DLGAP1: variants seen among roughly 807,000 people sequenced by gnomAD.
DLGAP1 encodes disks large-associated protein 1.
In DLGAP1, 11 loss-of-function variants were observed where a neutral mutation model predicts 90.8. That is an observed-to-expected ratio of 0.12 (90% confidence interval 0.08 to 0.20). DLGAP1 has a LOEUF of 0.20. DLGAP1 is among the 10% of genes least tolerant of loss of function. The pLI is 1.00. For synonymous variants in DLGAP1, 558 were observed against 540.7 expected (o/e 1.03, Z -0.44); for missense variants, 1,050 against 1,333.8 (o/e 0.79, Z 3.31).
chr18:4,393,451 A>T (rs1217408937), intron 1 of DLGAP1, among the ~76,000 whole-genome samples: 1 of 152,056 alleles, frequency 6.6e-6, no homozygotes, highest in Non-Finnish European at 1.5e-5. Context: ...AATTTTTCAG[A>T]TGGTTGATTC....
At chr18:3,609,132 T>C (rs1477035575) in intron 7 of DLGAP1, among the ~76,000 whole-genome samples, 3 of 142,986 alleles carry the variant, frequency 2.1e-5, no homozygotes, top group Admixed American at 6.9e-5. Context: ...CCCAGCCTGA[T>C]CTGTAATACT....
At chr18:3,944,145 T>A (rs558824145) in intron 3 of DLGAP1, among the ~76,000 whole-genome samples, 1 of 152,326 alleles carries the variant, frequency 6.6e-6, no homozygotes, top group Non-Finnish European at 1.5e-5. Context: ...AGTGACGAGA[T>A]GAGATTGAAG....
chr18:3,635,180 G>C (rs1009091908), intron 7 of DLGAP1, among the ~76,000 whole-genome samples: 7 of 150,596 alleles, frequency 4.6e-5, no homozygotes, highest in East Asian at 2.0e-4. Context: ...ACCCAGGCTG[G>C]AGTGCAGTGG....
chr18:4,325,440 C>G (rs560120404), intron 1 of DLGAP1, among the ~76,000 whole-genome samples: 1 of 152,136 alleles, frequency 6.6e-6, no homozygotes, highest in Admixed American at 6.5e-5. Flanking sequence ...TGGCCAAAAA[C>G]AATTTGCAGA....
intron 5 of DLGAP1, among the ~76,000 whole-genome samples, chr18:3,747,335 G>A (rs1052172434): frequency 2.6e-5 from 4 of 152,106 alleles, no homozygotes; most frequent in Non-Finnish European, 5.9e-5. Context: ...CAGCTGCATC[G>A]CTTTATAATA....
chr18:4,049,541 A>G (rs531515496), intron 2 of DLGAP1, among the ~76,000 whole-genome samples: 87 of 152,170 alleles, frequency 5.7e-4, no homozygotes, highest in African/African-American at 2.0e-3. Context: ...TCTGGGCTCT[A>G]ATTTATAAGT....
At chr18:3,838,112 A>G (rs2068510181) in intron 4 of DLGAP1, among the ~76,000 whole-genome samples, 1 of 152,206 alleles carries the variant, frequency 6.6e-6, no homozygotes, top group Non-Finnish European at 1.5e-5. Flanking sequence ...GTCTGTGGAA[A>G]AAGGGGAGCT....
At chr18:3,592,076 A>C (rs1472335619) in intron 7 of DLGAP1, among the ~76,000 whole-genome samples, 1 of 152,176 alleles carries the variant, frequency 6.6e-6, no homozygotes, top group African/African-American at 2.4e-5. Flanking sequence ...TGAAATTTAG[A>C]CAAGAATTTG....
At chr18:4,326,540 G>A (rs1342338110) in intron 1 of DLGAP1, among the ~76,000 whole-genome samples, 1 of 152,024 alleles carries the variant, frequency 6.6e-6, no homozygotes, top group Non-Finnish European at 1.5e-5. Context: ...ACACATGCAC[G>A]CATATGTTCA....
chr18:4,049,378 CT>C (rs1173742770), intron 2 of DLGAP1, among the ~76,000 whole-genome samples: 2 of 152,150 alleles, frequency 1.3e-5, no homozygotes, highest in Non-Finnish European at 2.9e-5. Context: ...TGAGCCAGTC[CT>C]GTCTGAGGGG....
intron 1 of DLGAP1, among the ~76,000 whole-genome samples, chr18:4,238,793 A>G (rs74796095): frequency 0.038 from 5,823 of 152,244 alleles, 356 homozygotes; most frequent in African/African-American, 0.13. Flanking sequence ...CCTTTAGGCA[A>G]AGATCTCTCC....
Position 4,105,858 on chromosome 18 carries a change from G to T in DLGAP1, c.-159+45322C>A, listed in dbSNP as rs1326494254. On this transcript the variant is annotated intron_variant, in intron 2 of 12. Coordinates refer to ENST00000315677, the MANE Select transcript of DLGAP1 (RefSeq NM_004746.4). The stretch of plus-strand genomic sequence containing the variant: ...ATCCTGGCTAACACGGTGAAACCCC[G>T]TCTCTACTAAAAATACAAAAAAAAT... Among the ~76,000 whole-genome samples the T allele has an allele frequency of 2.0e-5, 3 of 151,412 alleles. No homozygotes were observed. The East Asian group carries it at 5.9e-4, about 30-fold the overall frequency.
intron 1 of DLGAP1, among the ~76,000 whole-genome samples, chr18:4,429,938 C>A (rs1471428134): frequency 6.6e-6 from 1 of 151,696 alleles, no homozygotes; most frequent in African/African-American, 2.4e-5. Flanking sequence ...TGAAAAAAAG[C>A]AAGTGGCAGA....
intron 1 of DLGAP1, among the ~76,000 whole-genome samples, chr18:4,196,603 T>C (rs2077502134): frequency 6.6e-6 from 1 of 152,150 alleles, no homozygotes. Context: ...TGAGAACTGA[T>C]AGAGGAGCAA....
In DLGAP1 at chr18:3,882,031, T is replaced by G. The variant is rs541785792; in HGVS notation, c.-72-1891A>C. Among the ~76,000 whole-genome samples, 5 of 152,320 alleles carry G rather than the reference T, an allele frequency of 3.3e-5. No homozygotes were observed. In the East Asian group the frequency reaches 9.6e-4, roughly 29 times the overall value. On this transcript the variant is annotated intron_variant, in intron 3 of 12. Coordinates refer to ENST00000315677, the MANE Select transcript of DLGAP1 (RefSeq NM_004746.4). ...CTTTTTGAATTCTGTAGGAACAACT[T>G]CACCACACAAACAATCCCCCCAGGT...
intron 3 of DLGAP1, among the ~76,000 whole-genome samples, chr18:3,884,583 G>A (rs1297176186): frequency 6.6e-6 from 1 of 152,122 alleles, no homozygotes; most frequent in Non-Finnish European, 1.5e-5. Context: ...GCAAGATGAC[G>A]TTACCTGAGG....
At chr18:3,500,833 G>A (rs1177676884) in intron 12 of DLGAP1, among the ~76,000 whole-genome samples, 1 of 151,988 alleles carries the variant, frequency 6.6e-6, no homozygotes, top group Non-Finnish European at 1.5e-5. Context: ...TAACTCAGTG[G>A]ATATTTTTAG....
rs146784842 is a variant in DLGAP1 at position 3,882,171 on chromosome 18, C to G, written c.-72-2031G>C. Among the ~76,000 whole-genome samples, 687 of 152,032 alleles carry G rather than the reference C, an allele frequency of 4.5e-3. 18 individuals are homozygous for G. Among genetic ancestry groups the G allele is most frequent in the Admixed American group, 0.034 (519 of 15,284 alleles). ...GAGCTTTCTCTAAACAAACAGAGAA[C>G]AAGTTAAGCTTGACTAGGCTAATTT... On this transcript the variant is annotated intron_variant, in intron 3 of 12. Coordinates refer to ENST00000315677, the MANE Select transcript of DLGAP1 (RefSeq NM_004746.4).
chr18:4,432,136 A>G (rs1048829099), intron 1 of DLGAP1, among the ~76,000 whole-genome samples: 8 of 152,228 alleles, frequency 5.3e-5, no homozygotes, highest in Non-Finnish European at 7.3e-5. Flanking sequence ...GAAAACACTT[A>G]AAGGGCAATA....
Sources: allele counts gnomAD v4.1 joint callset (sites outside exome capture counted in the v4.1 genomes callset), GRCh38; gene constraint gnomAD v4.1.1; transcripts MANE v1.5; gene names NCBI Gene and HGNC (gene_info 2026-07-23, HGNC 2026-07-21).